SLC11A2: variants seen among roughly 807,000 people sequenced by gnomAD.
The protein encoded by SLC11A2 is solute carrier family 11 member 2, also known as natural resistance-associated macrophage protein 2.
In SLC11A2, 38 loss-of-function variants were observed where a neutral mutation model predicts 68.0. The ratio of observed to expected loss-of-function variants is 0.56; its 90% confidence interval spans 0.43 to 0.73. The LOEUF is 0.73. Ranked by LOEUF, SLC11A2 falls within the 30% of genes least tolerant of loss-of-function variation. The pLI is 0.00. For synonymous variants in SLC11A2, 242 were observed against 250.6 expected, an observed-to-expected ratio of 0.97 and a Z score of 0.32; for missense variants, 517 against 690.5, an observed-to-expected ratio of 0.75 and a Z score of 2.82.
intron 13 of SLC11A2, 88 bp from the exon 14 acceptor site, chr12:50,991,760 T>C (rs1318560651): frequency 2.0e-6 from 2 of 996,278 alleles, no homozygotes; most frequent in African/African-American, 3.2e-5. Flanking sequence ...GAAACATAAA[T>C]GCTGCCTCAA....
rs1481350694 is a variant in SLC11A2, at chr12:50,995,658, C to T, written c.961G>A (p.Ala321Thr). Residue 321 changes from alanine to threonine, a missense_variant, in exon 10 of 16, where the codon GCA becomes ACA. Ala to Thr is a moderately conservative substitution (Grantham distance 58, BLOSUM62 0). Coordinates refer to ENST00000262052, the MANE Select transcript of SLC11A2 (RefSeq NM_000617.3). ...NVFVVSVFAE[A>T]FFGKTNEQVV... ...TGCTCGTTGGTTTTCCCAAAAAATG[C>T]TTCAGCAAAGACTGAGACAACAAAG... is the stretch of plus-strand genomic sequence containing the variant. 1.2e-6 allele frequency: 2 copies of T among 1,614,146 alleles called. No homozygotes were observed. The highest frequency in any genetic ancestry group is 2.7e-5 in the African/African-American group (2 of 75,032).
intron 1 of SLC11A2, among the ~76,000 whole-genome samples, chr12:51,019,296 G>T (rs899655321): frequency 6.6e-6 from 1 of 152,134 alleles, no homozygotes; most frequent in Non-Finnish European, 1.5e-5. Context: ...AAATGAAAAG[G>T]TTTCTAGATT....
upstream of SLC11A2, chr12:51,026,465 C>A (rs1331556331): frequency 2.6e-6 from 2 of 760,710 alleles, no homozygotes; most frequent in Non-Finnish European, 1.9e-6. Context: ...CTGCAGCGGC[C>A]GGGATGCGTG....
chr12:51,008,332 T>C (rs200892666), intron 3 of SLC11A2, 144 bp downstream of exon 3: 4 of 652,270 alleles, frequency 6.1e-6, no homozygotes, highest in South Asian at 4.8e-5. Context: ...TGTGTATATA[T>C]ATATATAGAT....
At chr12:51,007,890 C>T (rs1455446978) in intron 3 of SLC11A2, among the ~76,000 whole-genome samples, 2 of 152,190 alleles carry the variant, frequency 1.3e-5, no homozygotes, top group East Asian at 1.9e-4. Context: ...ATCCTCCTGC[C>T]TTAGCCTCCC....
downstream of SLC11A2, among the ~76,000 whole-genome samples, chr12:50,983,531 T>C (rs765725745): frequency 7.9e-5 from 12 of 152,192 alleles, no homozygotes; most frequent in East Asian, 1.9e-4. Flanking sequence ...TGTGAATAAA[T>C]GCTACATTTG....
intron 10 of SLC11A2, chr12:50,994,932 TGA>T: frequency 2.6e-6 from 1 of 386,968 alleles, no homozygotes; most frequent in Non-Finnish European, 4.9e-6. Flanking sequence ...GCTTCAGACA[TGA>T]GAGAACACCC....
the SLC11A2 span, among the ~76,000 whole-genome samples, chr12:50,973,306 G>T: frequency 6.6e-5 from 10 of 152,138 alleles, no homozygotes; most frequent in Admixed American, 6.5e-4. Context: ...CCAGAGGAAC[G>T]ATCAGGCAGC....
chr12:50,959,200 A>G, the SLC11A2 span, among the ~76,000 whole-genome samples: 1 of 150,330 alleles, frequency 6.7e-6, no homozygotes, highest in Admixed American at 6.7e-5. Context: ...GCTCACTGCA[A>G]CCTCTGCCTC....
At chr12:50,976,054 A>C (rs1361423271), downstream of SLC11A2, among the ~76,000 whole-genome samples, 1 of 152,244 alleles carries the variant, frequency 6.6e-6, no homozygotes, top group Non-Finnish European at 1.5e-5. Flanking sequence ...GCCGAATTCT[A>C]CCAGAGGTAC....
intron 14 of SLC11A2, chr12:50,991,368 G>A (rs753633226): frequency 1.2e-5 from 7 of 581,036 alleles, no homozygotes; most frequent in Non-Finnish European, 1.8e-5. Flanking sequence ...TGAAGCTGAA[G>A]AGTTATGCTG....
At chr12:50,957,074 T>C in the SLC11A2 span, among the ~76,000 whole-genome samples, 1 of 152,066 alleles carries the variant, frequency 6.6e-6, no homozygotes, top group Non-Finnish European at 1.5e-5. Context: ...TACATGTAAA[T>C]GTAATGATTT....
chr12:51,007,459 C>T (rs541944304), intron 3 of SLC11A2, among the ~76,000 whole-genome samples: 93 of 152,078 alleles, frequency 6.1e-4, no homozygotes, highest in Non-Finnish European at 9.7e-4. Context: ...CTCAGTCTCC[C>T]GAGTAGCTGG....
chr12:50,958,199 C>T, the SLC11A2 span, among the ~76,000 whole-genome samples: 6 of 152,006 alleles, frequency 3.9e-5, no homozygotes, highest in East Asian at 1.2e-3. Flanking sequence ...TGTCAAAACC[C>T]CAGCAAGGTT....
chr12:50,963,773 T>C, the SLC11A2 span, among the ~76,000 whole-genome samples: 2 of 152,222 alleles, frequency 1.3e-5, no homozygotes, highest in Non-Finnish European at 2.9e-5. Flanking sequence ...GATGTCTCTT[T>C]TGCACTAACC....
chr12:51,001,180 AG>A (rs889162898), intron 5 of SLC11A2, among the ~76,000 whole-genome samples: 7 of 150,494 alleles, frequency 4.7e-5, no homozygotes, highest in African/African-American at 1.7e-4. Flanking sequence ...AAAAAAAAAA[AG>A]GTTGGGGTGG....
At chr12:50,961,146 G>A in the SLC11A2 span, 2 of 1,592,550 alleles carry the variant, frequency 1.3e-6, no homozygotes, top group Non-Finnish European at 1.7e-6. Context: ...GTCTTTGAGA[G>A]TACATTTATT....
intron 1 of SLC11A2, among the ~76,000 whole-genome samples, chr12:51,012,356 A>AC (rs75403319): frequency 0.17 from 25,719 of 152,044 alleles, 2,574 homozygotes; most frequent in East Asian, 0.5. Flanking sequence ...TATTAAAAAA[A>AC]AAATGTTTCA....
rs1156840988 is a variant in SLC11A2, at chr12:50,999,537, A to G, written c.537-122T>C. 4 of 813,172 alleles carry G rather than the reference A, an allele frequency of 4.9e-6. No homozygotes were observed. In the African/African-American group the frequency reaches 5.1e-5, roughly 10 times the overall value. 50.4% of individuals were successfully genotyped at this position (813,172 alleles called of 1,614,324 possible). A position where few individuals can be genotyped will look rare whatever the true frequency, so the allele number is the denominator to read the frequency against. ...TGGAGAAGCTAGGACTTGAGGGAGG[A>G]GGGACAATGGCAGAAAACTAGGCCT... On this transcript the variant is annotated intron_variant, in intron 6 of 15. Coordinates refer to ENST00000262052, the MANE Select transcript of SLC11A2 (RefSeq NM_000617.3).
Sources: allele counts gnomAD v4.1 joint callset (sites outside exome capture counted in the v4.1 genomes callset), GRCh38; gene constraint gnomAD v4.1.1; transcripts MANE v1.5; gene names NCBI Gene and HGNC (gene_info 2026-07-23, HGNC 2026-07-21).